SQOR: variants seen among roughly 807,000 people sequenced by gnomAD.
SQOR encodes the protein sulfide quinone oxidoreductase.
Under a neutral mutation model 48.6 loss-of-function variants are expected in SQOR, and 39 were observed. The observed-to-expected ratio is 0.80, with a 90% CI of 0.62 to 1.05. SQOR has a LOEUF of 1.05. Among genes scored for constraint, SQOR ranks in the 50% least tolerant of loss-of-function variants. SQOR has a pLI of 0.00. For synonymous variants in SQOR, 220 were observed against 206.2 expected, an observed-to-expected ratio of 1.07 and a Z score of -0.57; for missense variants, 561 against 559.9, an observed-to-expected ratio of 1.00 and a Z score of -0.02.
intron 1 of SQOR, among the ~76,000 whole-genome samples, chr15:45,656,477 A>G (rs568508972): frequency 2.9e-4 from 43 of 150,494 alleles, no homozygotes; most frequent in African/African-American, 1.0e-3. Context: ...TTTTAAATAG[A>G]GTTGGGGTTT....
intron 3 of SQOR, among the ~76,000 whole-genome samples, chr15:45,667,941 CTTTTTTT>C (rs1204451548): frequency 9.7e-6 from 1 of 103,278 alleles, no homozygotes; most frequent in Non-Finnish European, 1.9e-5. Flanking sequence ...TTCTTTCTTT[CTTTTTTT>C]TTTTTTTTTT....
At position 45,676,279 on chromosome 15, in the gene SQOR, T is replaced by C. The variant is rs1244403974; in HGVS notation, c.833T>C (p.Leu278Pro). 1 of 1,613,944 alleles carries C rather than the reference T, an allele frequency of 6.2e-7. No homozygotes were observed. The highest frequency in any genetic ancestry group is 8.5e-7 in the Non-Finnish European group (1 of 1,179,964). ...AAACAAGAGGCTGTATTTGAGAACC[T>C]GGACAAACCAGGAGAGACCCAAGTG... Reference protein sequence around the residue: ...ADKQEAVFENLDKPGETQVIS... With the variant: ...ADKQEAVFENPDKPGETQVIS... The change falls in exon 6 of 10, where the codon CTG (leucine) becomes CCG (proline). Residue 278 changes from leucine (L) to proline (P), a missense_variant. Leu to Pro is a moderately conservative substitution (Grantham distance 98). Coordinates refer to ENST00000260324, the MANE Select transcript of SQOR (RefSeq NM_021199.4).
At chr15:45,671,000 G>A (rs559614069) in intron 4 of SQOR, among the ~76,000 whole-genome samples, 2 of 152,192 alleles carry the variant, frequency 1.3e-5, no homozygotes, top group Non-Finnish European at 2.9e-5. Context: ...CCATGGTACT[G>A]TCTTCCCAAA....
At chr15:45,679,160 C>G (rs1890084072) in intron 6 of SQOR, among the ~76,000 whole-genome samples, 1 of 152,096 alleles carries the variant, frequency 6.6e-6, no homozygotes, top group African/African-American at 2.4e-5. Context: ...TTTGTGTCCC[C>G]TTTGAATTAT....
chr15:45,669,231 G>A (rs1176611559), intron 3 of SQOR, among the ~76,000 whole-genome samples: 1 of 151,044 alleles, frequency 6.6e-6, no homozygotes, highest in Admixed American at 6.6e-5. Context: ...GTGCAGTGGT[G>A]TGATCTCTGC....
Position 45,682,547 on chromosome 15 carries a change from G to C in SQOR, c.934G>C (p.Ala312Pro). ...CCTCAAGACCAGTCCTGTGGCTGAT[G>C]CTGCTGGTTGGGTGGATGTGGATAA... The part of the protein sequence containing the change: ...DVLKTSPVAD[A>P]AGWVDVDKET... The change falls in exon 7 of 10, where the codon GCT (alanine) becomes CCT (proline). Residue 312 changes from alanine (A) to proline (P), a missense_variant. Physicochemically the swap from Ala to Pro is conservative, Grantham distance 27 (BLOSUM62 -1). Transcript: ENST00000260324. The C allele has an allele frequency of 6.2e-7, 1 of 1,614,198 alleles. No individual in the cohort carries two copies. The highest frequency in any genetic ancestry group is 8.5e-7 in the Non-Finnish European group (1 of 1,180,046).
At chr15:45,653,419 G>T (rs1015735409) in intron 1 of SQOR, among the ~76,000 whole-genome samples, 3 of 152,170 alleles carry the variant, frequency 2.0e-5, no homozygotes, top group Non-Finnish European at 4.4e-5. Flanking sequence ...TAGTATAAGG[G>T]ATACAGCTCA....
chr15:45,650,260 C>T (rs1036816942), intron 1 of SQOR, among the ~76,000 whole-genome samples: 4 of 152,174 alleles, frequency 2.6e-5, no homozygotes, highest in South Asian at 2.1e-4. Context: ...CTACTGTGTC[C>T]GGAATTGGTG....
intron 2 of SQOR, among the ~76,000 whole-genome samples, chr15:45,659,361 T>C (rs1321216063): frequency 6.6e-6 from 1 of 151,502 alleles, no homozygotes. Context: ...AGAACAGATC[T>C]CTTGGCTTTT....
rs534463417 is a variant in SQOR at position 45,658,040 on chromosome 15, T to G, written c.-17-867T>G. Reference sequence around the variant, plus strand: ...GTCTTTGAGAAGCCTTAATTTCCTCTCTGCCAAAGCACTAACTGCTGAGAG... The same window carrying G: ...GTCTTTGAGAAGCCTTAATTTCCTCGCTGCCAAAGCACTAACTGCTGAGAG... On this transcript the variant is annotated intron_variant, in intron 1 of 9. Coordinates refer to ENST00000260324, the MANE Select transcript of SQOR (RefSeq NM_021199.4). Among the ~76,000 whole-genome samples, 4 of 152,260 alleles carry G rather than the reference T, an allele frequency of 2.6e-5. No individual in the cohort carries two copies. In the South Asian group the frequency reaches 8.3e-4, roughly 32 times the overall value.
At chr15:45,634,896 T>A (rs2140934273), upstream of SQOR, 2 of 152,392 alleles carry the variant, frequency 1.3e-5, no homozygotes, top group South Asian at 4.2e-4. Flanking sequence ...AACGCCCTGG[T>A]GTGTTCACTG....
chr15:45,666,272 CACAGCATTCTGTGAT>C (rs1441653536), intron 3 of SQOR, among the ~76,000 whole-genome samples: 2 of 152,198 alleles, frequency 1.3e-5, no homozygotes, highest in African/African-American at 4.8e-5. Context: ...GATGTGCTAT[CACAGCATTCTGTGAT>C]TTAGTAATTA....
chr15:45,677,997 G>A (rs776330272), intron 6 of SQOR, among the ~76,000 whole-genome samples: 1 of 150,452 alleles, frequency 6.6e-6, no homozygotes, highest in African/African-American at 2.4e-5. Context: ...ATGAGCCATC[G>A]CACCTGGCCT....
Position 45,669,992 on chromosome 15 carries a change from A to C in SQOR, c.459+11A>C. 2 of 1,613,592 alleles carry C rather than the reference A, an allele frequency of 1.2e-6. No homozygotes were observed. The highest frequency in any genetic ancestry group is 4.5e-5 in the East Asian group (2 of 44,864). The stretch of plus-strand genomic sequence containing the variant: ...CTGGACTATGAGAAGGTACCGTGTG[A>C]AACTGTTTCTGTGTTACGCTGGCTT... On this transcript the variant is annotated intron_variant, in intron 4 of 9. Coordinates refer to ENST00000260324, the MANE Select transcript of SQOR (RefSeq NM_021199.4).
intron 7 of SQOR, among the ~76,000 whole-genome samples, chr15:45,684,498 T>G (rs12911261): frequency 0.39 from 58,770 of 152,066 alleles, 13,226 homozygotes; most frequent in Middle Eastern, 0.58. Flanking sequence ...CATACCTGAG[T>G]CTGTGTACCT....
intron 1 of SQOR, among the ~76,000 whole-genome samples, chr15:45,650,045 G>C (rs1024589320): frequency 6.6e-5 from 10 of 151,918 alleles, no homozygotes; most frequent in African/African-American, 2.4e-4. Flanking sequence ...GTTTCACCAT[G>C]TTGGCCAGGC....
chr15:45,685,733 T>A (rs939594836), intron 7 of SQOR, among the ~76,000 whole-genome samples: 4 of 152,166 alleles, frequency 2.6e-5, no homozygotes, highest in Non-Finnish European at 5.9e-5. Flanking sequence ...GTGTTCTCAG[T>A]CCAGATTCCA....
intron 3 of SQOR, among the ~76,000 whole-genome samples, chr15:45,669,607 T>G (rs1274190047): frequency 6.6e-6 from 1 of 152,240 alleles, no homozygotes; most frequent in African/African-American, 2.4e-5. Context: ...TCTCAAGCTT[T>G]CTGGGGCTAG....
chr15:45,655,178 A>T (rs777287673), intron 1 of SQOR, among the ~76,000 whole-genome samples: 4 of 152,274 alleles, frequency 2.6e-5, no homozygotes, highest in Non-Finnish European at 5.9e-5. Flanking sequence ...CTCTTGTATC[A>T]CTTGGAGGCC....
Sources: gnomAD v4.1 joint callset for allele counts (sites outside exome capture counted in the v4.1 genomes callset) on GRCh38, gnomAD v4.1.1 for gene constraint, MANE v1.5 for transcripts, NCBI Gene and HGNC (gene_info 2026-07-23, HGNC 2026-07-21) for gene names.